The following COPG1 variants were observed in gnomAD, a reference collection of about 807,000 sequenced individuals.
COPG1 encodes coat protein complex I subunit gamma 1, also known as coatomer subunit gamma-1.
In COPG1, 29 loss-of-function variants were observed where a neutral mutation model predicts 102.8. The ratio of observed to expected loss-of-function variants is 0.28; its 90% CI spans 0.21 to 0.38. COPG1 has a LOEUF of 0.38. Among genes scored for constraint, COPG1 ranks in the 10% least tolerant of loss-of-function variants. COPG1 has a pLI of 1.00. For missense variants in COPG1, 875 were observed against 1,132.7 expected, an observed-to-expected ratio of 0.77 and a Z score of 3.27; for synonymous variants, 406 against 421.6, an observed-to-expected ratio of 0.96 and a Z score of 0.45.
Position 129,275,161 on chromosome 3 carries a change from A to C in COPG1, c.2396-33A>C. ...GGTGGTGGCACAAAGGGCAGATAAGATGGCTTAACAATATTGGGATTTCTC... is the reference window on the plus strand; with the variant it reads ...GGTGGTGGCACAAAGGGCAGATAAGCTGGCTTAACAATATTGGGATTTCTC... On this transcript the variant is annotated intron_variant, in intron 22 of 23. Coordinates refer to ENST00000314797, the MANE Select transcript of COPG1 (RefSeq NM_016128.4). This position sits in a 1 kb window ranked among gnomAD's most constrained non-coding sequence, Gnocchi z 5.0. 1.3e-6 allele frequency: 2 copies of C among 1,597,046 alleles called. No homozygotes were observed. The highest frequency in any genetic ancestry group is 1.7e-6 in the Non-Finnish European group (2 of 1,164,758).
intron 23 of COPG1, among the ~76,000 whole-genome samples, chr3:129,276,592 A>G (rs1940272703): frequency 6.6e-6 from 1 of 152,158 alleles, no homozygotes; most frequent in African/African-American, 2.4e-5. Context: ...CATTGAAACA[A>G]CCTAGTCCCC....
intron 1 of COPG1, 137 bp from the exon 2 acceptor site, chr3:129,250,545 A>C (rs1428754909): frequency 7.3e-6 from 5 of 681,638 alleles, no homozygotes; most frequent in African/African-American, 3.6e-5. Context: ...GACAGATTGT[A>C]GAGGCTTGAT....
At chr3:129,256,688 TGA>T (rs1162541794) in intron 8 of COPG1, among the ~76,000 whole-genome samples, 1 of 152,262 alleles carries the variant, frequency 6.6e-6, no homozygotes, top group East Asian at 1.9e-4. Context: ...ATCTGGGTCA[TGA>T]GTGCCTATCG....
chr3:129,255,961 A>G, intron 7 of COPG1, 107 bp from the exon 8 acceptor site: 1 of 877,678 alleles, frequency 1.1e-6, no homozygotes. Context: ...GAGGACCAGG[A>G]CAGTGGCGAG....
intron 7 of COPG1, 64 bp downstream of exon 7, chr3:129,255,141 C>A: frequency 9.9e-7 from 1 of 1,009,198 alleles, no homozygotes; most frequent in South Asian, 1.4e-5. Context: ...ATTTAAGAGT[C>A]ACATTCCAGT....
Position 129,271,744 on chromosome 3 carries a change from T to C in COPG1, c.1844-23T>C, listed in dbSNP as rs1223543308. The C allele has an allele frequency of 8.1e-6, 13 of 1,611,716 alleles. No homozygotes were observed. The highest frequency in any genetic ancestry group is 2.2e-5 in the East Asian group (1 of 44,848). On this transcript the variant is annotated intron_variant, in intron 18 of 23. Coordinates refer to ENST00000314797, the MANE Select transcript of COPG1 (RefSeq NM_016128.4). The surrounding 1 kb of genome is among the most constrained non-coding windows in gnomAD (Gnocchi z 4.7). ...TTGGTCTGGGGATCGAGAAGCTGAG[T>C]GAATGTGGCCTGTGGATTTCAGAGC...
At position 129,277,639 on chromosome 3, in the gene COPG1, G is replaced by A; in HGVS notation, c.*215G>A. On this transcript the variant is annotated 3_prime_UTR_variant, in exon 24 of 24. Coordinates refer to ENST00000314797, the MANE Select transcript of COPG1 (RefSeq NM_016128.4). Reference sequence around the variant, plus strand: ...TTTTTTTAAATAGGGGATGATTTTAGCTTGTCCTAAATCTTGCTGTCCACC... The same window carrying A: ...TTTTTTTAAATAGGGGATGATTTTAACTTGTCCTAAATCTTGCTGTCCACC... The A allele has an allele frequency of 2.2e-6, 1 of 464,310 alleles. No individual in the cohort carries two copies. Among genetic ancestry groups the A allele is most frequent in the South Asian group, 2.4e-5 (1 of 42,410 alleles). 28.8% of individuals were successfully genotyped at this position (464,310 alleles called of 1,614,324 possible). A position where few individuals can be genotyped will look rare whatever the true frequency, so the allele number is the denominator to read the frequency against.
intron 2 of COPG1, 94 bp from the exon 3 acceptor site, chr3:129,252,187 A>C: frequency 1.1e-6 from 1 of 871,316 alleles, no homozygotes; most frequent in South Asian, 1.4e-5. Flanking sequence ...CTGTTTAGAC[A>C]AGTCAGTTTA....
At position 129,249,750 on chromosome 3, in the gene COPG1, AG is replaced by A. The variant is rs1198522841; in HGVS notation, c.37+9del. ...GACAAGAAGGATGAGGAGTCAGGTG[AG>A]GGGGCCAGGCCTGGGTCTGAGGGAG... is the stretch of plus-strand genomic sequence containing the variant. On this transcript the variant is annotated splice_donor_5th_base_variant and intron_variant, in intron 1 of 23. Transcript: ENST00000314797. 4 of 1,550,598 alleles carry A rather than the reference AG, an allele frequency of 2.6e-6. No homozygotes were observed. Among genetic ancestry groups the A allele is most frequent in the Non-Finnish European group, 3.5e-6 (4 of 1,146,858 alleles).
At chr3:129,272,769 TG>T in intron 20 of COPG1, 37 bp from the exon 21 acceptor site, 1 of 1,375,054 alleles carries the variant, frequency 7.3e-7, no homozygotes, top group Non-Finnish European at 1.0e-6. Flanking sequence ...CCCTGCAGGC[TG>T]GGGACATCCT....
chr3:129,252,773 AC>A lies in COPG1; in HGVS notation c.243+81del, dbSNP rs961531156. The stretch of plus-strand genomic sequence containing the variant: ...GGGAGGGCCAAAGAGAGCTGGCCCC[AC>A]CAGTCAGTGTGGGCTGCCTTTGTGG... On this transcript the variant is annotated intron_variant, in intron 4 of 23. Coordinates refer to ENST00000314797, the MANE Select transcript of COPG1 (RefSeq NM_016128.4). 7.8e-6 allele frequency: 12 copies of A among 1,540,736 alleles called. No homozygotes were observed. The Admixed American group carries it at 1.3e-4, about 17-fold the overall frequency.
chr3:129,267,008 C>T lies in COPG1; in HGVS notation c.1469-16C>T, dbSNP rs752695288. On this transcript the variant is annotated splice_polypyrimidine_tract_variant and intron_variant, in intron 14 of 23. Coordinates refer to ENST00000314797, the MANE Select transcript of COPG1 (RefSeq NM_016128.4). ...CAGGGTGCATTGGGTAAATCACATT[C>T]GCTTCCTAAACACAGGTGCTGTGAG... 29 of 1,611,654 alleles carry T rather than the reference C, an allele frequency of 1.8e-5. No homozygotes were observed. The highest frequency in any genetic ancestry group is 1.6e-4 in the South Asian group (15 of 90,970).
At chr3:129,250,603 C>A in intron 1 of COPG1, 79 bp from the exon 2 acceptor site, 1 of 1,115,592 alleles carries the variant, frequency 9.0e-7, no homozygotes, top group Non-Finnish European at 1.4e-6. Context: ...TAGGAAGGGA[C>A]ATCTTCCCTT....
At chr3:129,262,788 G>T (rs79705693) in intron 12 of COPG1, among the ~76,000 whole-genome samples, 10,791 of 151,676 alleles carry the variant, frequency 0.071, 1,203 homozygotes, top group African/African-American at 0.24. Context: ...GGAGGCTGAG[G>T]TCGGCAGATC....
At position 129,265,763 on chromosome 3, in the gene COPG1, T is replaced by G; in HGVS notation, c.1439T>G (p.Val480Gly). Reference sequence around the variant, plus strand: ...TACATCCGCTTCATCTATAACCGAGTGGTCTTGGAGCATGAGGAGGTCCGG... The same window carrying G: ...TACATCCGCTTCATCTATAACCGAGGGGTCTTGGAGCATGAGGAGGTCCGG... ...SKYIRFIYNRVVLEHEEVRAG... is the reference protein window; with the variant it reads ...SKYIRFIYNRGVLEHEEVRAG... Residue 480 changes from valine to glycine, a missense_variant, in exon 14 of 24, where the codon GTG becomes GGG. Transcript: ENST00000314797. 1.2e-6 allele frequency: 2 copies of G among 1,613,732 alleles called. No individual in the cohort carries two copies. The highest frequency in any genetic ancestry group is 1.7e-6 in the Non-Finnish European group (2 of 1,179,926).
At chr3:129,251,701 T>C (rs1263760378) in intron 2 of COPG1, among the ~76,000 whole-genome samples, 1 of 144,884 alleles carries the variant, frequency 6.9e-6, no homozygotes, top group Non-Finnish European at 1.5e-5. Context: ...TCTTTTTTTT[T>C]TTGAGATGGA....
intron 21 of COPG1, among the ~76,000 whole-genome samples, chr3:129,274,325 G>A (rs895396540): frequency 3.3e-5 from 5 of 152,196 alleles, no homozygotes; most frequent in African/African-American, 4.8e-5. Context: ...GGAGTATTAT[G>A]TGTCAAGTTC....
chr3:129,268,782 C>T (rs1940121603), intron 17 of COPG1, 150 bp from the exon 18 acceptor site: 1 of 1,064,998 alleles, frequency 9.4e-7, no homozygotes, highest in Non-Finnish European at 1.4e-6. Context: ...GACACACATA[C>T]ACACAGACGT....
chr3:129,254,551 G>A (rs1008367974), intron 5 of COPG1, 117 bp from the exon 6 acceptor site: 1 of 665,136 alleles, frequency 1.5e-6, no homozygotes, highest in Admixed American at 2.7e-5. Context: ...CAGGAATAGA[G>A]GGAGAGCACT....
Sources: gnomAD v4.1 joint callset for allele counts (sites outside exome capture counted in the v4.1 genomes callset) on GRCh38, gnomAD v4.1.1 for gene constraint, Gnocchi (gnomAD v3.1) non-coding constraint, MANE v1.5 for transcripts, NCBI Gene and HGNC (gene_info 2026-07-23, HGNC 2026-07-21) for gene names.